REEP5: variants seen among roughly 807,000 people sequenced by gnomAD.
The protein encoded by REEP5 is receptor expression-enhancing protein 5.
In REEP5, 24 loss-of-function variants were observed where a neutral mutation model predicts 22.4. The observed-to-expected ratio is 1.07, with a 90% CI of 0.78 to 1.51. The LOEUF (loss-of-function observed/expected upper bound fraction) is 1.51, where lower values mean the gene tolerates loss of function less well. Among genes scored for constraint, REEP5 ranks in the 40% most tolerant of loss-of-function variants. REEP5 has a pLI of 0.00. For synonymous variants in REEP5, 103 were observed against 88.6 expected (o/e 1.16, Z -0.92); for missense variants, 252 against 233.0 (o/e 1.08, Z -0.53).
In REEP5 at chr5:112,878,648, C is replaced by G. The variant is rs981127242; in HGVS notation, c.*138G>C. Reference sequence around the variant, plus strand: ...CAGTAAAAGTAAGCAAAGAAACTTACAACACATTCCAATCTTTAATATCTC... The same window carrying G: ...CAGTAAAAGTAAGCAAAGAAACTTAGAACACATTCCAATCTTTAATATCTC... On this transcript the variant is annotated 3_prime_UTR_variant, in exon 5 of 5. Coordinates refer to ENST00000379638, the MANE Select transcript of REEP5 (RefSeq NM_005669.5). 1 of 1,259,072 alleles carries G rather than the reference C, an allele frequency of 7.9e-7. No homozygotes were observed. Among genetic ancestry groups the G allele is most frequent in the Non-Finnish European group, 1.1e-6 (1 of 912,856 alleles). The allele number at this position is 1,259,072 out of a possible 1,614,324, so 78.0% of individuals were successfully genotyped here. A position where few individuals can be genotyped will look rare whatever the true frequency, so the allele number is the denominator to read the frequency against.
intron 2 of REEP5, among the ~76,000 whole-genome samples, chr5:112,905,232 AG>A (rs1261948563): frequency 2.6e-5 from 4 of 152,166 alleles, no homozygotes; most frequent in Non-Finnish European, 2.9e-5. Flanking sequence ...TGGTGAGAGA[AG>A]AAAAAAGCTT....
intron 4 of REEP5, chr5:112,881,867 T>TGA (rs1439533788): frequency 2.0e-5 from 3 of 152,068 alleles, no homozygotes; most frequent in Non-Finnish European, 4.4e-5. Flanking sequence ...CAGGCTCAGG[T>TGA]GATCCTCCCA....
intron 3 of REEP5, chr5:112,892,644 T>A (rs745724656): frequency 6.2e-7 from 1 of 1,614,084 alleles, no homozygotes; most frequent in Non-Finnish European, 8.5e-7. Flanking sequence ...ACTTTCTTCA[T>A]GTGTTCAGAA....
chr5:112,893,549 T>C (rs151308578), intron 3 of REEP5: 58 of 154,068 alleles, frequency 3.8e-4, no homozygotes, highest in African/African-American at 1.3e-3. Flanking sequence ...ATTCCTTACA[T>C]TTAAAGACTC....
At chr5:112,892,731 G>A in intron 3 of REEP5, 1 of 1,614,034 alleles carries the variant, frequency 6.2e-7, no homozygotes, top group Non-Finnish European at 8.5e-7. Flanking sequence ...CCTTTGGCAA[G>A]AACTCCGAGA....
chr5:112,884,031 C>G (rs751221126), intron 4 of REEP5, among the ~76,000 whole-genome samples: 53 of 152,322 alleles, frequency 3.5e-4, no homozygotes, highest in Middle Eastern at 3.4e-3. Context: ...TCACCTCCAG[C>G]CAGATCACTG....
intron 2 of REEP5, among the ~76,000 whole-genome samples, chr5:112,906,717 C>T (rs144077795): frequency 4.6e-5 from 7 of 152,302 alleles, no homozygotes; most frequent in Middle Eastern, 3.4e-3. Context: ...AAAATATACA[C>T]GCCTGGGTCC....
At chr5:112,918,169 A>T (rs567029603) in intron 2 of REEP5, among the ~76,000 whole-genome samples, 3 of 152,190 alleles carry the variant, frequency 2.0e-5, no homozygotes, top group African/African-American at 7.2e-5. Context: ...ATGGCCAAAA[A>T]TTCTAGAAAC....
At position 112,878,405 on chromosome 5, in the gene REEP5, G is replaced by A; in HGVS notation, c.*381C>T. The A allele has an allele frequency of 5.2e-6, 1 of 192,156 alleles. No homozygotes were observed. The highest frequency in any genetic ancestry group is 1.3e-4 in the East Asian group (1 of 7,570). 11.9% of individuals were successfully genotyped at this position (192,156 alleles called of 1,614,324 possible). The stretch of plus-strand genomic sequence containing the variant: ...ATAAAATTGTACATTACAGGAAGTA[G>A]AACCATAAAGATTATCCTAAATGTA... On this transcript the variant is annotated 3_prime_UTR_variant, in exon 5 of 5. Coordinates refer to ENST00000379638, the MANE Select transcript of REEP5 (RefSeq NM_005669.5).
At chr5:112,919,445 G>C (rs886270604) in intron 2 of REEP5, among the ~76,000 whole-genome samples, 1 of 152,110 alleles carries the variant, frequency 6.6e-6, no homozygotes, top group African/African-American at 2.4e-5. Flanking sequence ...CTACTAGGGA[G>C]GCTGAGGCAG....
At chr5:112,920,106 T>A (rs1022675885) in intron 2 of REEP5, among the ~76,000 whole-genome samples, 1 of 152,218 alleles carries the variant, frequency 6.6e-6, no homozygotes, top group Non-Finnish European at 1.5e-5. Flanking sequence ...GGGCTATATG[T>A]AGCTAGACTT....
chr5:112,909,461 C>A (rs887844952), intron 2 of REEP5, among the ~76,000 whole-genome samples: 1 of 151,686 alleles, frequency 6.6e-6, no homozygotes, highest in Non-Finnish European at 1.5e-5. Context: ...GCTAATAAGG[C>A]TAAAAGGAGA....
Position 112,878,710 on chromosome 5 carries a change from T to C in REEP5, c.*76A>G. 1 of 1,559,780 alleles carries C rather than the reference T, an allele frequency of 6.4e-7. No individual in the cohort carries two copies. The highest frequency in any genetic ancestry group is 8.7e-7 in the Non-Finnish European group (1 of 1,150,442). On this transcript the variant is annotated 3_prime_UTR_variant, in exon 5 of 5. Transcript: ENST00000379638. The stretch of plus-strand genomic sequence containing the variant: ...CAAGGCAACATTATTAAAATAATTA[T>C]ACCACAGTCCCTAATATAACATCAA...
intron 2 of REEP5, among the ~76,000 whole-genome samples, chr5:112,914,767 C>T (rs879610422): frequency 1.3e-5 from 2 of 152,136 alleles, no homozygotes; most frequent in Non-Finnish European, 2.9e-5. Flanking sequence ...GATCCCTTAA[C>T]TAGATCACTT....
chr5:112,907,591 G>A (rs1768983359), intron 2 of REEP5, among the ~76,000 whole-genome samples: 1 of 152,174 alleles, frequency 6.6e-6, no homozygotes, highest in South Asian at 2.1e-4. Context: ...AAAATTAATC[G>A]AGCAGAATTA....
rs191227399 is a variant in REEP5, at chr5:112,892,334, A to G, written c.352-5151T>C. 4.1e-4 allele frequency: 668 copies of G among 1,614,188 alleles called. 4 individuals carry two copies. The African/African-American group carries it at 7.8e-3, about 19-fold the overall frequency. ...TATGACCCTGACGCAAGCCTGGAGTACAGCGAGGAAGAAACCTACCAACAG... is the reference window on the plus strand; with the variant it reads ...TATGACCCTGACGCAAGCCTGGAGTGCAGCGAGGAAGAAACCTACCAACAG... On this transcript the variant is annotated intron_variant, in intron 3 of 4. Coordinates refer to ENST00000379638, the MANE Select transcript of REEP5 (RefSeq NM_005669.5).
intron 2 of REEP5, among the ~76,000 whole-genome samples, chr5:112,918,357 C>A (rs969079842): frequency 4.6e-5 from 7 of 152,156 alleles, no homozygotes; most frequent in Admixed American, 3.3e-4. Flanking sequence ...TGACCAGGAG[C>A]CAGGTGCACC....
chr5:112,898,224 C>G (rs1199509940), intron 3 of REEP5: 2 of 152,194 alleles, frequency 1.3e-5, no homozygotes, highest in Non-Finnish European at 2.9e-5. Context: ...ATTCAGAGGC[C>G]TCTTCTCAGT....
chr5:112,915,768 C>T (rs1769217746), intron 2 of REEP5, among the ~76,000 whole-genome samples: 1 of 151,178 alleles, frequency 6.6e-6, no homozygotes, highest in African/African-American at 2.4e-5. Flanking sequence ...TAACAAAGCA[C>T]ATATAGATCC....
Sources: allele counts gnomAD v4.1 joint callset (sites outside exome capture counted in the v4.1 genomes callset), GRCh38; gene constraint gnomAD v4.1.1; transcripts MANE v1.5; gene names NCBI Gene and HGNC (gene_info 2026-07-23, HGNC 2026-07-21).